The following FGF1 variants were observed in gnomAD, a reference collection of about 807,000 sequenced individuals.
FGF1 encodes the protein fibroblast growth factor 1, also known as beta-endothelial cell growth factor.
A neutral mutation model predicts 13.4 loss-of-function variants in FGF1; 9 were observed. The ratio of observed to expected loss-of-function variants is 0.67; its 90% confidence interval spans 0.40 to 1.17. FGF1 has a LOEUF of 1.17. Ranked by LOEUF, FGF1 falls within the 50% of genes most tolerant of loss-of-function variation. The probability of loss-of-function intolerance (pLI) is 0.01; values close to 1 mark genes in which losing one functional copy is unlikely to be tolerated. For missense variants in FGF1, 156 were observed against 192.7 expected, an observed-to-expected ratio of 0.81 and a Z score of 1.13; for synonymous variants, 93 against 79.0, an observed-to-expected ratio of 1.18 and a Z score of -0.94.
intron 1 of FGF1, among the ~76,000 whole-genome samples, chr5:142,634,768 T>C (rs1763965866): frequency 6.6e-6 from 1 of 152,244 alleles, no homozygotes; most frequent in South Asian, 2.1e-4. Flanking sequence ...TCCTGGCTCC[T>C]ACACTTTTGT....
At chr5:142,666,958 A>T (rs1165919576) in intron 1 of FGF1, among the ~76,000 whole-genome samples, 1 of 151,846 alleles carries the variant, frequency 6.6e-6, no homozygotes, top group East Asian at 1.9e-4. Flanking sequence ...TGAAGAAAGA[A>T]AGAGACAGAA....
chr5:142,603,116 G>A (rs961949504), intron 2 of FGF1, among the ~76,000 whole-genome samples: 2 of 152,172 alleles, frequency 1.3e-5, no homozygotes, highest in Admixed American at 6.5e-5. Flanking sequence ...GAGGGAACAG[G>A]CCTATGGGCC....
intron 1 of FGF1, chr5:142,627,263 T>G (rs1762608097): frequency 6.6e-6 from 1 of 152,188 alleles, no homozygotes. Flanking sequence ...TCATATGGGC[T>G]AGATGAACAC....
At chr5:142,602,474 C>T (rs533326864) in intron 2 of FGF1, among the ~76,000 whole-genome samples, 1 of 152,212 alleles carries the variant, frequency 6.6e-6, no homozygotes. Flanking sequence ...TGCGCCTGGC[C>T]TGTTTTCATT....
At chr5:142,623,740 A>T (rs950702053) in intron 1 of FGF1, among the ~76,000 whole-genome samples, 1 of 110,052 alleles carries the variant, frequency 9.1e-6, no homozygotes, top group Non-Finnish European at 1.9e-5. Context: ...TCATTTCATT[A>T]AAAAAATTTT....
chr5:142,645,520 C>A (rs1159809832), intron 1 of FGF1, among the ~76,000 whole-genome samples: 1 of 152,100 alleles, frequency 6.6e-6, no homozygotes, highest in African/African-American at 2.4e-5. Flanking sequence ...TCCAAGCAAG[C>A]CCTCTAACCT....
At chr5:142,616,115 A>AG (rs1398492263) in intron 1 of FGF1, among the ~76,000 whole-genome samples, 2 of 152,266 alleles carry the variant, frequency 1.3e-5, no homozygotes, top group Non-Finnish European at 2.9e-5. Flanking sequence ...CAGTGCCTGT[A>AG]GCAGCTGTGC....
rs985388058 is a variant in FGF1 at position 142,662,282 on chromosome 5, C to T, written c.-35+23675G>A. 3.3e-5 allele frequency among the ~76,000 whole-genome samples: 5 copies of T among 152,288 alleles called. No homozygotes were observed. In the South Asian group the frequency reaches 6.2e-4, roughly 19 times the overall value. On this transcript the variant is annotated intron_variant, in intron 1 of 3. Coordinates refer to ENST00000337706, the MANE Select transcript of FGF1 (RefSeq NM_000800.5). The stretch of plus-strand genomic sequence containing the variant: ...TATAATTGTGAATTATATCTCAAGC[C>T]GTTAAAAATGTTCTCACCTCGTTCA...
intron 1 of FGF1, among the ~76,000 whole-genome samples, chr5:142,630,734 T>G (rs957464943): frequency 2.0e-5 from 3 of 152,120 alleles, no homozygotes; most frequent in African/African-American, 7.2e-5. Context: ...TCCCTAACAG[T>G]TTCCCATGGG....
At chr5:142,684,751 C>G (rs11167787) in intron 1 of FGF1, among the ~76,000 whole-genome samples, 1 of 152,142 alleles carries the variant, frequency 6.6e-6, no homozygotes, top group Non-Finnish European at 1.5e-5. Context: ...GAGGCCCACT[C>G]CTTTCAGCCC....
chr5:142,625,557 C>T (rs542149075), intron 1 of FGF1, among the ~76,000 whole-genome samples: 1 of 152,282 alleles, frequency 6.6e-6, no homozygotes, highest in East Asian at 1.9e-4. Context: ...CTGCCGGCCC[C>T]CATTCTGTCT....
chr5:142,627,553 A>C (rs1339245132), intron 1 of FGF1, among the ~76,000 whole-genome samples: 1 of 152,348 alleles, frequency 6.6e-6, no homozygotes, highest in African/African-American at 2.4e-5. Flanking sequence ...GATATGAAGA[A>C]GGAATGTCAA....
At chr5:142,623,347 CTT>C (rs34106306) in intron 1 of FGF1, among the ~76,000 whole-genome samples, 53 of 144,782 alleles carry the variant, frequency 3.7e-4, no homozygotes, top group South Asian at 1.8e-3. Flanking sequence ...CCTTTTGACA[CTT>C]TTTTTTTTTT....
At chr5:142,643,681 CCGAT>C (rs761241502) in intron 1 of FGF1, among the ~76,000 whole-genome samples, 2 of 152,204 alleles carry the variant, frequency 1.3e-5, no homozygotes, top group Non-Finnish European at 2.9e-5. Context: ...AGGCTTCCTT[CCGAT>C]CGCTTATTAT....
intron 1 of FGF1, among the ~76,000 whole-genome samples, chr5:142,678,977 T>C (rs1452164395): frequency 6.6e-6 from 1 of 152,118 alleles, no homozygotes; most frequent in Non-Finnish European, 1.5e-5. Flanking sequence ...GCACCCAACC[T>C]TGGGTGTGTG....
intron 2 of FGF1, among the ~76,000 whole-genome samples, chr5:142,611,234 T>A (rs2151862670): frequency 6.6e-6 from 1 of 152,292 alleles, no homozygotes; most frequent in South Asian, 2.1e-4. Flanking sequence ...GCTCTGGCAG[T>A]ACCACCACTG....
intron 1 of FGF1, among the ~76,000 whole-genome samples, chr5:142,621,785 C>A (rs1388364332): frequency 6.6e-6 from 1 of 152,116 alleles, no homozygotes; most frequent in Non-Finnish European, 1.5e-5. Flanking sequence ...CCAAACTTGC[C>A]TTCCATTTTC....
chr5:142,691,940 ACCTTGCCT>A (rs1199280398), intron 2 of FGF1, among the ~76,000 whole-genome samples: 1 of 152,180 alleles, frequency 6.6e-6, no homozygotes, highest in Non-Finnish European at 1.5e-5. Context: ...TAGGCTGTGA[ACCTTGCCT>A]CCTCAAAGTC....
chr5:142,672,230 G>T (rs979262051), intron 1 of FGF1, among the ~76,000 whole-genome samples: 2 of 152,080 alleles, frequency 1.3e-5, no homozygotes, highest in African/African-American at 4.8e-5. Context: ...ACTGGATGAT[G>T]AATAAATTTT....
Sources: allele counts gnomAD v4.1 joint callset (sites outside exome capture counted in the v4.1 genomes callset), GRCh38; gene constraint gnomAD v4.1.1; transcripts MANE v1.5; gene names NCBI Gene and HGNC (gene_info 2026-07-23, HGNC 2026-07-21).